Variants in PHKA1 observed in about 807,000 individuals in gnomAD.
PHKA1 encodes phosphorylase b kinase regulatory subunit alpha, skeletal muscle isoform.
In PHKA1, 60 loss-of-function variants were observed where a neutral mutation model predicts 110.2. That is an observed-to-expected ratio of 0.54 (90% CI 0.44 to 0.68). PHKA1 has a LOEUF of 0.68. Ranked by LOEUF, PHKA1 falls within the 30% of genes least tolerant of loss-of-function variation. PHKA1 has a pLI of 0.00. For synonymous variants in PHKA1, 316 were observed against 333.6 expected (o/e 0.95, Z 0.58); for missense variants, 801 against 942.5 (o/e 0.85, Z 1.97).
At chrX:72,627,811 CTTTT>C (rs1160541868) in intron 16 of PHKA1, among the ~76,000 whole-genome samples, 2 of 67,868 alleles carry the variant, frequency 2.9e-5, no homozygotes, top group Admixed American at 3.6e-4. Flanking sequence ...TTTTCCTACA[CTTTT>C]TTTTTTTTTT....
intron 28 of PHKA1, among the ~76,000 whole-genome samples, chrX:72,601,339 A>G (rs1393016184): frequency 8.9e-6 from 1 of 111,955 alleles, no homozygotes; most frequent in Non-Finnish European, 1.9e-5. Context: ...GAGGTCTTGC[A>G]GTAAGGGAGA....
At chrX:72,670,259 T>C (rs1277152923) in intron 6 of PHKA1, among the ~76,000 whole-genome samples, 1 of 111,860 alleles carries the variant, frequency 8.9e-6, no homozygotes. Context: ...GAGTTCATTG[T>C]AGATTCTGGA....
intron 14 of PHKA1, among the ~76,000 whole-genome samples, chrX:72,636,932 T>G (rs1271608760): frequency 8.9e-6 from 1 of 111,866 alleles, no homozygotes; most frequent in African/African-American, 3.3e-5. Context: ...ATCAGAGAAT[T>G]GTTAAAGCCT....
chrX:72,683,477 T>C (rs1384273013), intron 5 of PHKA1, among the ~76,000 whole-genome samples: 1 of 112,051 alleles, frequency 8.9e-6, no homozygotes, highest in Non-Finnish European at 1.9e-5. Context: ...ACAACTTTTG[T>C]ATTTTTATGG....
chrX:72,620,982 A>C (rs1281445253), intron 18 of PHKA1, 81 bp from the exon 19 acceptor site: 1 of 1,027,671 alleles, frequency 9.7e-7, no homozygotes, highest in Non-Finnish European at 1.3e-6. Flanking sequence ...AGCAAAGAGA[A>C]TGATTGGCTC....
intron 3 of PHKA1, among the ~76,000 whole-genome samples, chrX:72,702,122 A>G (rs1218316420): frequency 9.0e-6 from 1 of 111,116 alleles, no homozygotes; most frequent in Non-Finnish European, 1.9e-5. Flanking sequence ...AACCCTGGGA[A>G]CTGAAGCCAG....
chrX:72,622,436 C>G lies in PHKA1; in HGVS notation c.1960+673G>C, dbSNP rs1556278973. On this transcript the variant is annotated intron_variant, in intron 18 of 31. Transcript: ENST00000373542. ...TAGACAAATAATTCTTTCTTATTGG[C>G]CCTTCTCTGTATGAAATTCAAGCAA... 3 of 751,747 alleles carry G rather than the reference C, an allele frequency of 4.0e-6. No individual in the cohort carries two copies. The African/African-American group carries it at 7.0e-5, about 17-fold the overall frequency. 62.0% of individuals were successfully genotyped at this position (751,747 alleles called of 1,213,427 possible). A position where few individuals can be genotyped will look rare whatever the true frequency, so the allele number is the denominator to read the frequency against.
At chrX:72,594,741 C>A (rs545068425) in intron 28 of PHKA1, among the ~76,000 whole-genome samples, 2 of 112,489 alleles carry the variant, frequency 1.8e-5, no homozygotes, top group Non-Finnish European at 3.8e-5. Context: ...GCATGAGCCC[C>A]GGAGTTTGAG....
At chrX:72,598,516 A>G (rs1285430404) in intron 28 of PHKA1, among the ~76,000 whole-genome samples, 1 of 111,827 alleles carries the variant, frequency 8.9e-6, no homozygotes, top group East Asian at 2.8e-4. Flanking sequence ...ATCCAAGAGA[A>G]GTGAAAACAT....
intron 4 of PHKA1, among the ~76,000 whole-genome samples, chrX:72,687,261 A>T (rs1210008838): frequency 8.1e-5 from 9 of 111,590 alleles, no homozygotes; most frequent in African/African-American, 2.9e-4. Context: ...CTTGGTATAT[A>T]CATATATATA....
chrX:72,678,261 C>A (rs2147796555), intron 5 of PHKA1, among the ~76,000 whole-genome samples: 1 of 111,540 alleles, frequency 9.0e-6, no homozygotes, highest in East Asian at 2.8e-4. Context: ...GGTGTCATTG[C>A]TTCTAGGCCC....
intron 5 of PHKA1, among the ~76,000 whole-genome samples, chrX:72,683,359 G>A (rs1367242269): frequency 8.0e-5 from 9 of 112,025 alleles, no homozygotes; most frequent in Non-Finnish European, 1.5e-4. Flanking sequence ...GATCACCTGA[G>A]CCTGGGAGTT....
intron 3 of PHKA1, 69 bp from the exon 4 acceptor site, chrX:72,695,945 T>C: frequency 2.4e-6 from 2 of 818,785 alleles, no homozygotes; most frequent in Non-Finnish European, 3.7e-6. Flanking sequence ...ACTTCTGTAA[T>C]ACTCTAACAT....
intron 29 of PHKA1, 84 bp from the exon 30 acceptor site, chrX:72,584,386 G>A (rs1362305173): frequency 5.9e-6 from 5 of 850,936 alleles, no homozygotes; most frequent in African/African-American, 2.0e-5. Context: ...AGGAGACGCT[G>A]TATTTCTAAG....
chrX:72,700,982 T>C (rs2054197248), intron 3 of PHKA1, among the ~76,000 whole-genome samples: 1 of 112,781 alleles, frequency 8.9e-6, no homozygotes, highest in South Asian at 3.6e-4. Context: ...TTTTAACAAT[T>C]TAGTATACTG....
At chrX:72,637,752 A>T (rs2147737081) in intron 14 of PHKA1, among the ~76,000 whole-genome samples, 1 of 111,234 alleles carries the variant, frequency 9.0e-6, no homozygotes, top group South Asian at 3.9e-4. Context: ...TTTTAGAACA[A>T]TTTTTCTATT....
At chrX:72,658,798 G>C (rs186657781) in intron 8 of PHKA1, among the ~76,000 whole-genome samples, 6 of 112,428 alleles carry the variant, frequency 5.3e-5, no homozygotes, top group African/African-American at 1.9e-4. Context: ...CATTGTATGA[G>C]AGAGTACATG....
At chrX:72,665,219 G>A (rs373101964) in intron 8 of PHKA1, among the ~76,000 whole-genome samples, 7 of 111,170 alleles carry the variant, frequency 6.3e-5, no homozygotes, top group African/African-American at 1.3e-4. Flanking sequence ...CATTATAACC[G>A]ATACCACAGA....
At chrX:72,595,804 G>A (rs2052582290) in intron 28 of PHKA1, among the ~76,000 whole-genome samples, 1 of 111,726 alleles carries the variant, frequency 9.0e-6, no homozygotes, top group African/African-American at 3.3e-5. Flanking sequence ...ACAGGTATTG[G>A]TGAGAATGTG....
Sources: allele counts gnomAD v4.1 joint callset (sites outside exome capture counted in the v4.1 genomes callset), GRCh38; gene constraint gnomAD v4.1.1; transcripts MANE v1.5; gene names NCBI Gene and HGNC (gene_info 2026-07-23, HGNC 2026-07-21).